Variants in IFRD2 observed in about 807,000 individuals in gnomAD.
IFRD2 encodes interferon-related developmental regulator 2.
Under a neutral mutation model 49.2 loss-of-function variants are expected in IFRD2, and 35 were observed. The observed-to-expected ratio is 0.71, with a 90% CI of 0.54 to 0.94. The LOEUF is 0.94. Among genes scored for constraint, IFRD2 ranks in the 40% least tolerant of loss-of-function variants. The pLI is 0.00. For synonymous variants in IFRD2, 275 were observed against 239.7 expected (o/e 1.15, Z -1.36); for missense variants, 561 against 591.6 (o/e 0.95, Z 0.54).
At position 50,290,224 on chromosome 3, in the gene IFRD2, A is replaced by C; in HGVS notation, c.334T>G (p.Leu112Val). ...GCTAGCGTGAGGCGGCGCTCCAGCAAGAAGTCGGGGAGTAGGCGGGACGCT... is the reference window on the plus strand; with the variant it reads ...GCTAGCGTGAGGCGGCGCTCCAGCACGAAGTCGGGGAGTAGGCGGGACGCT... ...ALASRLLPDF[L>V]LERRLTLADA... The change falls in exon 4 of 12, where the codon TTG becomes GTG. Residue 112 changes from leucine (L) to valine (V), a missense_variant. By Grantham distance (32) the Leu-to-Val change is conservative (BLOSUM62 1). Coordinates refer to ENST00000417626, the MANE Select transcript of IFRD2 (RefSeq NM_006764.5). 1 of 1,613,668 alleles carries C rather than the reference A, an allele frequency of 6.2e-7. No homozygotes were observed.
At position 50,292,292 on chromosome 3, in the gene IFRD2, G is replaced by T; in HGVS notation, c.-18C>A. The T allele has an allele frequency of 6.4e-7, 1 of 1,553,364 alleles. No individual in the cohort carries two copies. Among genetic ancestry groups the T allele is most frequent in the Non-Finnish European group, 8.7e-7 (1 of 1,153,626 alleles). On this transcript the variant is annotated 5_prime_UTR_variant, in exon 1 of 12. Coordinates refer to ENST00000417626, the MANE Select transcript of IFRD2 (RefSeq NM_006764.5). Reference sequence around the variant, plus strand: ...CGAGGCATGCCGGGAACCGGGCGCGGGGGGCGCGGGGTCAGGGACCCGGTG... The same window carrying T: ...CGAGGCATGCCGGGAACCGGGCGCGTGGGGCGCGGGGTCAGGGACCCGGTG...
Position 50,289,342 on chromosome 3 carries a change from G to A in IFRD2, c.798C>T (p.Pro266=). ...TCACACTTTCACTGGACAAGAGCTG[G>A]GGCAGCCGGGGCAGCTGCCTAGGGA... ...HILDRQLPRL[P]QLLSSESVNL... is the part of the protein sequence containing the mutation. The change falls in exon 8 of 12, where the codon CCC becomes CCT. Residue 266 remains proline, a synonymous_variant. Transcript: ENST00000417626. 6.3e-7 allele frequency: 1 copy of A among 1,598,058 alleles called. No homozygotes were observed. Among genetic ancestry groups the A allele is most frequent in the Non-Finnish European group, 8.5e-7 (1 of 1,172,460 alleles).
At position 50,289,992 on chromosome 3, in the gene IFRD2, G is replaced by A; in HGVS notation, c.483C>T (p.Ser161=). 6.2e-7 allele frequency: 1 copy of A among 1,612,950 alleles called. No homozygotes were observed. Among genetic ancestry groups the A allele is most frequent in the Non-Finnish European group, 8.5e-7 (1 of 1,179,570 alleles). Residue 161 remains serine (S), a synonymous_variant, in exon 5 of 12, where the codon AGC becomes AGT. Transcript: ENST00000417626. ...GCACAGAGACCAGCAGAGGCTGCAGGCTGTGAAACAGCTCCTCACCCTTAG... is the reference window on the plus strand; with the variant it reads ...GCACAGAGACCAGCAGAGGCTGCAGACTGTGAAACAGCTCCTCACCCTTAG... ...PGPKGEELFH[S]LQPLLVSVLS...
Position 50,289,427 on chromosome 3 carries a change from C to T in IFRD2, c.779+20G>A, listed in dbSNP as rs1553709276. 6.4e-7 allele frequency: 1 copy of T among 1,568,942 alleles called. No homozygotes were observed. Among genetic ancestry groups the T allele is most frequent in the Non-Finnish European group, 8.6e-7 (1 of 1,157,086 alleles). Reference sequence around the variant, plus strand: ...CCTCTTTGAGATCCCCTCCCCCTCCCAGTGGACAGCCACCCCTACCTGTCA... The same window carrying T: ...CCTCTTTGAGATCCCCTCCCCCTCCTAGTGGACAGCCACCCCTACCTGTCA... On this transcript the variant is annotated intron_variant, in intron 7 of 11. Coordinates refer to ENST00000417626, the MANE Select transcript of IFRD2 (RefSeq NM_006764.5).
chr3:50,288,839 GC>G lies in IFRD2; in HGVS notation c.983del (p.Arg328ProfsTer22). 6.2e-7 allele frequency: 1 copy of G among 1,613,512 alleles called. No homozygotes were observed. The highest frequency in any genetic ancestry group is 1.1e-5 in the South Asian group (1 of 90,992). ...NKYRAKADRR[R>X]QRSTFRAVLH... ...GCACGGCGCGGAAAGTAGAGCGCTG[GC>G]GCCGACGATCAGCCTTGGCACGGTA... On this transcript the variant is annotated frameshift_variant, in exon 9 of 12. Transcript: ENST00000417626. LOFTEE classifies it high-confidence loss of function.
intron 3 of IFRD2, 26 bp downstream of exon 3, chr3:50,290,349 TGGAGCTGGGTGTA>T: frequency 6.3e-7 from 1 of 1,598,542 alleles, no homozygotes; most frequent in Non-Finnish European, 8.5e-7. Context: ...TGATCACACT[TGGAGCTGGGTGTA>T]GGAGTTGGCT....
At chr3:50,289,052 C>T in intron 8 of IFRD2, 115 bp from the exon 9 acceptor site, 1 of 1,413,408 alleles carries the variant, frequency 7.1e-7, no homozygotes, top group South Asian at 1.3e-5. Flanking sequence ...CTGCCTGGCC[C>T]CTTTGACCCC....
intron 6 of IFRD2, 24 bp downstream of exon 6, chr3:50,289,688 C>T (rs1167299520): frequency 6.3e-7 from 1 of 1,596,906 alleles, no homozygotes; most frequent in Non-Finnish European, 8.5e-7. Flanking sequence ...GATGCTCTAC[C>T]ACCTGTGCCC....
In IFRD2 at chr3:50,292,360, G is replaced by T. The variant is rs782363687; in HGVS notation, c.-86C>A. The stretch of plus-strand genomic sequence containing the variant: ...AACGAGACGCCGGCCGGTGCGCTGC[G>T]CTGAGACTTGGCCAGACGACGGGAG... On this transcript the variant is annotated 5_prime_UTR_variant, in exon 1 of 12. Coordinates refer to ENST00000417626, the MANE Select transcript of IFRD2 (RefSeq NM_006764.5). 2.7e-5 allele frequency: 43 copies of T among 1,571,626 alleles called. No homozygotes were observed. The highest frequency in any genetic ancestry group is 1.2e-5 in the Non-Finnish European group (14 of 1,163,602).
rs1553709628 is a variant in IFRD2 at position 50,290,469 on chromosome 3, C to G, written c.182G>C (p.Gly61Ala). 1 of 1,578,894 alleles carries G rather than the reference C, an allele frequency of 6.3e-7. No homozygotes were observed. Among genetic ancestry groups the G allele is most frequent in the African/African-American group, 1.3e-5 (1 of 74,270 alleles). ...LSTTAEDSLG[G>A]DVVDEQGQQE... ...CTGGCCCTGCTCATCCACGACATCC[C>G]CCCCTGCAAGGCCACCTGGTCAGCA... The change falls in exon 3 of 12, where the codon GGG becomes GCG. Residue 61 changes from glycine (G) to alanine (A), a missense_variant. By Grantham distance (60) the Gly-to-Ala change is moderately conservative. Transcript: ENST00000417626.
rs1287565156 is a variant in IFRD2, at chr3:50,290,407, C to G, written c.244G>C (p.Asp82His). 1.3e-6 allele frequency: 2 copies of G among 1,580,466 alleles called. No individual in the cohort carries two copies. Among genetic ancestry groups the G allele is most frequent in the African/African-American group, 1.3e-5 (1 of 74,204 alleles). Reference protein sequence around the residue: ...DLEEKLKEYVDCLTDKSAKTR... With the variant: ...DLEEKLKEYVHCLTDKSAKTR... Reference sequence around the variant, plus strand: ...GGGTACCTCTTGTCTGTGAGACAGTCCACATACTCCTTCAGCTTTTCCTCA... The same window carrying G: ...GGGTACCTCTTGTCTGTGAGACAGTGCACATACTCCTTCAGCTTTTCCTCA... The change falls in exon 3 of 12, where the codon GAC (aspartate) becomes CAC (histidine). Residue 82 changes from aspartate (D) to histidine (H), a missense_variant. Transcript: ENST00000417626.
chr3:50,289,154 A>C, intron 8 of IFRD2, 101 bp downstream of exon 8: 1 of 1,217,330 alleles, frequency 8.2e-7, no homozygotes, highest in Non-Finnish European at 1.2e-6. Context: ...CCTCCTCTGC[A>C]TAATGACCTA....
Position 50,288,258 on chromosome 3 carries a change from G to C in IFRD2, c.1262C>G (p.Ala421Gly). The change falls in exon 12 of 12, where the codon GCT (alanine) becomes GGT (glycine). Residue 421 changes from alanine (A) to glycine (G), a missense_variant. Transcript: ENST00000417626. ...CTTGGTCCGGGCTTTGAAGGCAGCA[G>C]CATTGTACAGGTGCTAGAGTGGGGA... ...VPRFEKHLYN[A>G]AAFKARTKAR... 6.2e-7 allele frequency: 1 copy of C among 1,613,912 alleles called. No individual in the cohort carries two copies.
At position 50,290,030 on chromosome 3, in the gene IFRD2, G is replaced by C. The variant is rs1701641570; in HGVS notation, c.445C>G (p.Leu149Val). 6.2e-7 allele frequency: 1 copy of C among 1,613,482 alleles called. No homozygotes were observed. Residue 149 changes from leucine to valine, a missense_variant, in exon 5 of 12, where the codon CTG (leucine) becomes GTG (valine). Physicochemically the swap from Leu to Val is conservative, Grantham distance 32 (BLOSUM62 1). Coordinates refer to ENST00000417626, the MANE Select transcript of IFRD2 (RefSeq NM_006764.5). Reference protein sequence around the residue: ...AAVLGLLCVQLGPGPKGEELF... With the variant: ...AAVLGLLCVQVGPGPKGEELF... The stretch of plus-strand genomic sequence containing the variant: ...TCCTCACCCTTAGGTCCAGGGCCCA[G>C]CTGCACGCAGAGCAGGCCTAGCACA...
Position 50,290,432 on chromosome 3 carries a change from A to G in IFRD2, c.219T>C (p.Leu73=). The G allele has an allele frequency of 6.3e-7, 1 of 1,578,714 alleles. No individual in the cohort carries two copies. The highest frequency in any genetic ancestry group is 8.6e-7 in the Non-Finnish European group (1 of 1,161,328). ...VVDEQGQQED[L]EEKLKEYVDC... is the part of the protein sequence containing the mutation. ...CCACATACTCCTTCAGCTTTTCCTC[A>G]AGGTCTTCCTGCTGGCCCTGCTCAT... is the stretch of plus-strand genomic sequence containing the variant. The change falls in exon 3 of 12, where the codon CTT becomes CTC. Residue 73 remains leucine (L), a synonymous_variant. Coordinates refer to ENST00000417626, the MANE Select transcript of IFRD2 (RefSeq NM_006764.5).
rs1342819957 is a variant in IFRD2 at position 50,289,567 on chromosome 3, C to T, written c.659G>A (p.Gly220Asp). ...SVFSRFYGLG[G>D]SSTSPVVPAS... ...AGGAACCACAGGACTTGTGGAGCTGCCCCCCAAGCCATAGAACCGGCTGAA... is the reference window on the plus strand; with the variant it reads ...AGGAACCACAGGACTTGTGGAGCTGTCCCCCAAGCCATAGAACCGGCTGAA... The change falls in exon 7 of 12, where the codon GGC becomes GAC. Residue 220 changes from glycine (G) to aspartate (D), a missense_variant. Transcript: ENST00000417626. 8.2e-6 allele frequency: 13 copies of T among 1,582,192 alleles called. No homozygotes were observed. Among genetic ancestry groups the T allele is most frequent in the Non-Finnish European group, 8.6e-6 (10 of 1,165,046 alleles).
In IFRD2 at chr3:50,288,029, C is replaced by A; in HGVS notation, c.*162G>T. The A allele has an allele frequency of 1.5e-6, 1 of 647,790 alleles. No homozygotes were observed. The highest frequency in any genetic ancestry group is 2.8e-6 in the Non-Finnish European group (1 of 360,166). 40.1% of individuals were successfully genotyped at this position (647,790 alleles called of 1,614,324 possible). Reference sequence around the variant, plus strand: ...AGTGCAGGGACAAAGGGGTCAGGGTCCCAAGTGTCCGGGCCCCCAGCTACC... The same window carrying A: ...AGTGCAGGGACAAAGGGGTCAGGGTACCAAGTGTCCGGGCCCCCAGCTACC... On this transcript the variant is annotated 3_prime_UTR_variant, in exon 12 of 12. Transcript: ENST00000417626.
chr3:50,289,329 T>G lies in IFRD2; in HGVS notation c.811A>C (p.Ser271Arg), dbSNP rs1446830312. 5.0e-6 allele frequency: 8 copies of G among 1,601,370 alleles called. No individual in the cohort carries two copies. In the Admixed American group the frequency reaches 1.4e-4, roughly 28 times the overall value. The change falls in exon 8 of 12, where the codon AGT becomes CGT. Residue 271 changes from serine (S) to arginine (R), a missense_variant. Physicochemically the swap from Ser to Arg is moderately radical, Grantham distance 110. Coordinates refer to ENST00000417626, the MANE Select transcript of IFRD2 (RefSeq NM_006764.5). Reference protein sequence around the residue: ...QLPRLPQLLSSESVNLRIAAG... With the variant: ...QLPRLPQLLSRESVNLRIAAG... ...GCGATCCGCAGGTTCACACTTTCAC[T>G]GGACAAGAGCTGGGGCAGCCGGGGC...
In IFRD2 at chr3:50,288,199, T is replaced by TA. The variant is rs781999247; in HGVS notation, c.1320_1321insT (p.Ile441TyrfsTer92). ...CTTCAGCAGGTCCTGCTTCACAGGA[T>TA]GTCTGCCCGCTTGTCCCGCACACGG... On this transcript the variant is annotated frameshift_variant, in exon 12 of 12. Transcript: ENST00000417626. LOFTEE classifies it high-confidence loss of function. 6.2e-7 allele frequency: 1 copy of TA among 1,613,462 alleles called. No homozygotes were observed. The highest frequency in any genetic ancestry group is 2.2e-5 in the East Asian group (1 of 44,896).
Sources: allele counts gnomAD v4.1 joint callset, GRCh38; gene constraint gnomAD v4.1.1; transcripts MANE v1.5; gene names NCBI Gene and HGNC (gene_info 2026-07-23, HGNC 2026-07-21).